The following SORCS3 variants were observed in gnomAD, a reference collection of about 807,000 sequenced individuals.
SORCS3 encodes sortilin related VPS10 domain containing receptor 3.
A neutral mutation model predicts 146.3 loss-of-function variants in SORCS3; 57 were observed. That is an observed-to-expected ratio of 0.39 (90% CI 0.31 to 0.49). SORCS3 has a LOEUF of 0.49. SORCS3 is among the 20% of genes least tolerant of loss of function. The probability of loss-of-function intolerance (pLI) is 0.92; values close to 1 mark genes in which losing one functional copy is unlikely to be tolerated. For synonymous variants in SORCS3, 653 were observed against 618.5 expected (o/e 1.06, Z -0.83); for missense variants, 1,341 against 1,575.5 (o/e 0.85, Z 2.52).
intron 2 of SORCS3, among the ~76,000 whole-genome samples, chr10:104,912,476 T>G (rs1390766305): frequency 6.6e-6 from 1 of 152,240 alleles, no homozygotes; most frequent in Non-Finnish European, 1.5e-5. Context: ...GACCCTTCCC[T>G]AGGACAGACC....
intron 16 of SORCS3, among the ~76,000 whole-genome samples, chr10:105,202,511 C>T (rs2056579906): frequency 6.6e-6 from 1 of 152,166 alleles, no homozygotes; most frequent in African/African-American, 2.4e-5. Context: ...CTAATCTCAC[C>T]TATACCCTGG....
At chr10:105,050,738 A>G (rs1415349195) in intron 5 of SORCS3, among the ~76,000 whole-genome samples, 1 of 152,096 alleles carries the variant, frequency 6.6e-6, no homozygotes. Flanking sequence ...TGTTACACAG[A>G]ATTATTAAGA....
intron 3 of SORCS3, among the ~76,000 whole-genome samples, chr10:104,928,598 C>T (rs944227538): frequency 2.6e-5 from 4 of 152,178 alleles, no homozygotes; most frequent in Non-Finnish European, 5.9e-5. Flanking sequence ...CCAGTTCGTG[C>T]CCCCATTACC....
intron 1 of SORCS3, among the ~76,000 whole-genome samples, chr10:104,760,576 A>G (rs1263656744): frequency 6.6e-6 from 1 of 152,210 alleles, no homozygotes; most frequent in East Asian, 1.9e-4. Flanking sequence ...CTATTATAGT[A>G]CTTTCTTTGC....
intron 3 of SORCS3, among the ~76,000 whole-genome samples, chr10:104,973,305 G>C (rs1026230633): frequency 2.0e-5 from 3 of 151,338 alleles, no homozygotes; most frequent in African/African-American, 7.2e-5. Context: ...GTAGAATTCG[G>C]CTGTGAATCC....
intron 1 of SORCS3, among the ~76,000 whole-genome samples, chr10:104,686,109 T>C (rs2016040315): frequency 6.6e-6 from 1 of 151,982 alleles, no homozygotes; most frequent in African/African-American, 2.4e-5. Flanking sequence ...GGCATCTCTT[T>C]AGGGACATCT....
intron 8 of SORCS3, among the ~76,000 whole-genome samples, chr10:105,147,254 T>C (rs1052298929): frequency 6.6e-6 from 1 of 152,172 alleles, no homozygotes; most frequent in Non-Finnish European, 1.5e-5. Flanking sequence ...GAATATCTAA[T>C]GACAAGATAG....
At chr10:105,242,888 A>G (rs2056843403) in intron 20 of SORCS3, among the ~76,000 whole-genome samples, 1 of 105,486 alleles carries the variant, frequency 9.5e-6, no homozygotes, top group South Asian at 2.7e-4. Context: ...AATTATATAT[A>G]ATATATGATA....
At chr10:104,681,538 G>A (rs963230649) in intron 1 of SORCS3, among the ~76,000 whole-genome samples, 1 of 152,166 alleles carries the variant, frequency 6.6e-6, no homozygotes, top group African/African-American at 2.4e-5. Context: ...TTTTGCTTAG[G>A]GGCCTTGGTT....
intron 7 of SORCS3, among the ~76,000 whole-genome samples, chr10:105,133,715 A>G (rs1378255711): frequency 6.6e-6 from 1 of 152,024 alleles, no homozygotes; most frequent in Non-Finnish European, 1.5e-5. Context: ...GCTGAGGCAG[A>G]AGGCTGCTTG....
intron 1 of SORCS3, among the ~76,000 whole-genome samples, chr10:104,796,340 C>A (rs1325177810): frequency 6.6e-6 from 1 of 152,010 alleles, no homozygotes; most frequent in Non-Finnish European, 1.5e-5. Context: ...GCAAATTCAT[C>A]TTTTTTCAGT....
At chr10:104,864,796 G>A (rs1589528512) in intron 2 of SORCS3, among the ~76,000 whole-genome samples, 2 of 152,284 alleles carry the variant, frequency 1.3e-5, no homozygotes, top group African/African-American at 4.8e-5. Context: ...AAGGCAAACT[G>A]GTGTTCTTTC....
At chr10:104,961,655 T>C (rs1284439506) in intron 3 of SORCS3, among the ~76,000 whole-genome samples, 2 of 152,240 alleles carry the variant, frequency 1.3e-5, no homozygotes, top group Non-Finnish European at 2.9e-5. Flanking sequence ...AATACTGACC[T>C]GAATGCCAAT....
Position 105,239,508 on chromosome 10 carries a change from G to C in SORCS3, c.2869-6034G>C, listed in dbSNP as rs138204689. Among the ~76,000 whole-genome samples the C allele has an allele frequency of 1.6e-4, 25 of 152,304 alleles. No homozygotes were observed. In the Middle Eastern group the frequency reaches 0.02, roughly 124 times the overall value. On this transcript the variant is annotated intron_variant, in intron 20 of 26. Transcript: ENST00000369701. ...AATCTCATAACTAAATAGTCACACA[G>C]AGCTTTGTCGATTTCTTGCTGGGCT... is the stretch of plus-strand genomic sequence containing the variant.
chr10:104,704,996 AC>A (rs1000135107), intron 1 of SORCS3, among the ~76,000 whole-genome samples: 1 of 151,622 alleles, frequency 6.6e-6, no homozygotes, highest in Non-Finnish European at 1.5e-5. Context: ...CTCCACCTTA[AC>A]CCCCTCTTCC....
chr10:104,885,251 C>T (rs1480614419), intron 2 of SORCS3, among the ~76,000 whole-genome samples: 1 of 152,182 alleles, frequency 6.6e-6, no homozygotes, highest in Non-Finnish European at 1.5e-5. Flanking sequence ...GTCTACTGGA[C>T]ATTTTGGAAT....
chr10:105,046,473 C>T (rs955986433), intron 5 of SORCS3, among the ~76,000 whole-genome samples: 6 of 152,010 alleles, frequency 3.9e-5, no homozygotes, highest in South Asian at 2.1e-4. Flanking sequence ...TGATTTCTGA[C>T]GAGGACACAG....
intron 6 of SORCS3, among the ~76,000 whole-genome samples, chr10:105,098,250 A>T (rs2055759778): frequency 6.6e-6 from 1 of 152,232 alleles, no homozygotes; most frequent in African/African-American, 2.4e-5. Flanking sequence ...GGGACTGCAG[A>T]CTGCTTGCCT....
chr10:104,890,149 C>T (rs768482659), intron 2 of SORCS3, among the ~76,000 whole-genome samples: 9 of 151,900 alleles, frequency 5.9e-5, no homozygotes, highest in Non-Finnish European at 1.3e-4. Context: ...TTGTTTTATT[C>T]ATGATTCTTG....
Sources: allele counts gnomAD v4.1 joint callset (sites outside exome capture counted in the v4.1 genomes callset), GRCh38; gene constraint gnomAD v4.1.1; transcripts MANE v1.5; gene names NCBI Gene and HGNC (gene_info 2026-07-23, HGNC 2026-07-21).